The following NXPH1 variants were observed in gnomAD, a reference collection of about 807,000 sequenced individuals.
NXPH1 encodes neurexophilin-1.
A neutral mutation model predicts 23.7 loss-of-function variants in NXPH1; 5 were observed. That is an observed-to-expected ratio of 0.21 (90% CI 0.11 to 0.44). The LOEUF (loss-of-function observed/expected upper bound fraction) is 0.44, where lower values mean the gene tolerates loss of function less well. Ranked by LOEUF, NXPH1 falls within the 20% of genes least tolerant of loss-of-function variation. The pLI is 0.99. For synonymous variants in NXPH1, 144 were observed against 122.2 expected (o/e 1.18, Z -1.18); for missense variants, 324 against 321.6 (o/e 1.01, Z -0.06).
At position 8,566,706 on chromosome 7, in the gene NXPH1, C is replaced by T. The variant is rs577945191; in HGVS notation, c.54+130939C>T. Reference sequence around the variant, plus strand: ...TTTGAATTAAGAATTATACTATTGGCTCCTCTGATTTAGAGGTGTTTGGAC... The same window carrying T: ...TTTGAATTAAGAATTATACTATTGGTTCCTCTGATTTAGAGGTGTTTGGAC... On this transcript the variant is annotated intron_variant, in intron 2 of 2. Coordinates refer to ENST00000405863, the MANE Select transcript of NXPH1 (RefSeq NM_152745.3). Among the ~76,000 whole-genome samples, 18 of 151,932 alleles carry T rather than the reference C, an allele frequency of 1.2e-4. No individual in the cohort carries two copies. In the South Asian group the frequency reaches 3.5e-3, roughly 30 times the overall value.
chr7:8,464,451 C>T (rs1482646451), intron 2 of NXPH1, among the ~76,000 whole-genome samples: 1 of 152,142 alleles, frequency 6.6e-6, no homozygotes, highest in African/African-American at 2.4e-5. Context: ...TTTTAATCTT[C>T]CAGTCTTTTT....
chr7:8,749,341 G>T (rs1014829931), intron 2 of NXPH1, among the ~76,000 whole-genome samples: 3 of 152,144 alleles, frequency 2.0e-5, no homozygotes, highest in Admixed American at 2.0e-4. Context: ...CTTGACCAGG[G>T]GCACACAGCT....
intron 2 of NXPH1, among the ~76,000 whole-genome samples, chr7:8,574,028 T>G (rs1252945183): frequency 6.6e-6 from 1 of 152,104 alleles, no homozygotes; most frequent in Admixed American, 6.5e-5. Context: ...GGATTTAAGA[T>G]GTTCTTAGGA....
At chr7:8,721,764 G>C (rs564859610) in intron 2 of NXPH1, among the ~76,000 whole-genome samples, 1 of 152,176 alleles carries the variant, frequency 6.6e-6, no homozygotes, top group African/African-American at 2.4e-5. Flanking sequence ...GCAACATAGC[G>C]AGACTCTGTC....
intron 2 of NXPH1, among the ~76,000 whole-genome samples, chr7:8,622,917 C>T (rs1819905914): frequency 6.6e-6 from 1 of 152,018 alleles, no homozygotes; most frequent in African/African-American, 2.4e-5. Context: ...ATATTTGTAG[C>T]TGCTGGAGTG....
intron 2 of NXPH1, among the ~76,000 whole-genome samples, chr7:8,622,583 G>A (rs1290062999): frequency 6.6e-6 from 1 of 152,158 alleles, no homozygotes; most frequent in Non-Finnish European, 1.5e-5. Flanking sequence ...TATCAAATAC[G>A]AGGGATAATT....
At chr7:8,523,823 A>G (rs1817815806) in intron 2 of NXPH1, among the ~76,000 whole-genome samples, 2 of 152,150 alleles carry the variant, frequency 1.3e-5, no homozygotes, top group African/African-American at 4.8e-5. Flanking sequence ...TACATTCTAT[A>G]TCATGGGTCT....
intron 2 of NXPH1, among the ~76,000 whole-genome samples, chr7:8,685,163 A>C (rs1211528367): frequency 6.6e-6 from 1 of 152,068 alleles, no homozygotes; most frequent in Admixed American, 6.6e-5. Flanking sequence ...TAATTCACAC[A>C]ATAGTTTAAT....
intron 2 of NXPH1, among the ~76,000 whole-genome samples, chr7:8,628,420 A>G (rs1041651420): frequency 2.0e-4 from 30 of 151,936 alleles, no homozygotes; most frequent in Middle Eastern, 3.4e-3. Context: ...ATCACAAACA[A>G]AAAAGCAAAA....
intron 2 of NXPH1, among the ~76,000 whole-genome samples, chr7:8,747,245 T>C (rs1415061243): frequency 6.6e-6 from 1 of 152,120 alleles, no homozygotes. Flanking sequence ...GACTCCAGAG[T>C]GCACTCCCAT....
chr7:8,473,729 CTG>C (rs375602201), intron 2 of NXPH1, among the ~76,000 whole-genome samples: 1 of 144,700 alleles, frequency 6.9e-6, no homozygotes, highest in African/African-American at 2.6e-5. Context: ...CATCAGAATG[CTG>C]TGTGTGTTTT....
intron 2 of NXPH1, among the ~76,000 whole-genome samples, chr7:8,615,082 T>C (rs1451990235): frequency 1.3e-5 from 2 of 152,040 alleles, no homozygotes; most frequent in African/African-American, 4.8e-5. Context: ...CTCATTACAA[T>C]TTCAAATGAA....
At chr7:8,451,460 G>T (rs1396662016) in intron 2 of NXPH1, among the ~76,000 whole-genome samples, 1 of 152,050 alleles carries the variant, frequency 6.6e-6, no homozygotes, top group East Asian at 1.9e-4. Flanking sequence ...AAATTATTTT[G>T]GGAATATGAA....
intron 2 of NXPH1, among the ~76,000 whole-genome samples, chr7:8,725,831 C>T (rs890141917): frequency 6.7e-6 from 1 of 149,468 alleles, no homozygotes; most frequent in South Asian, 2.1e-4. Flanking sequence ...GGTTGACCGA[C>T]ATTGTCCACT....
intron 2 of NXPH1, among the ~76,000 whole-genome samples, chr7:8,523,985 C>T (rs1817819179): frequency 6.6e-6 from 1 of 152,118 alleles, no homozygotes; most frequent in African/African-American, 2.4e-5. Flanking sequence ...TGGCTCATGC[C>T]TGTAATCCCA....
intron 2 of NXPH1, among the ~76,000 whole-genome samples, chr7:8,682,052 G>A (rs183512348): frequency 1.4e-4 from 22 of 152,296 alleles, no homozygotes; most frequent in African/African-American, 5.1e-4. Flanking sequence ...GCATGCCAGT[G>A]GAAGGGTCTG....
intron 2 of NXPH1, among the ~76,000 whole-genome samples, chr7:8,748,531 A>G (rs1374448915): frequency 6.6e-6 from 1 of 152,156 alleles, no homozygotes. Context: ...TTTCTCTTAG[A>G]TGTGACCTTG....
At position 8,641,133 on chromosome 7, in the gene NXPH1, T is replaced by C. The variant is rs138694006; in HGVS notation, c.55-109875T>C. 2.4e-3 allele frequency among the ~76,000 whole-genome samples: 372 copies of C among 152,294 alleles called. 8 individuals carry two copies. In the East Asian group the frequency reaches 0.06, roughly 25 times the overall value. On this transcript the variant is annotated intron_variant, in intron 2 of 2. Transcript: ENST00000405863. The stretch of plus-strand genomic sequence containing the variant: ...GTTAAGTTTTATCATATTCTTGATA[T>C]TGATCTTTAACACTTTCAATAACAT...
intron 2 of NXPH1, among the ~76,000 whole-genome samples, chr7:8,496,198 C>T (rs184046851): frequency 6.2e-4 from 94 of 152,070 alleles, no homozygotes; most frequent in Non-Finnish European, 1.0e-3. Flanking sequence ...CATTTCATGT[C>T]GGGCCTTTCT....
Sources: allele counts gnomAD v4.1 joint callset (sites outside exome capture counted in the v4.1 genomes callset), GRCh38; gene constraint gnomAD v4.1.1; transcripts MANE v1.5; gene names NCBI Gene and HGNC (gene_info 2026-07-23, HGNC 2026-07-21).